The following CFDP1 variants were observed in gnomAD, a reference collection of about 807,000 sequenced individuals.
CFDP1 encodes heterochromatin-stabilizing protein CFDP1.
Under a neutral mutation model 40.1 loss-of-function variants are expected in CFDP1, and 31 were observed. That is an observed-to-expected ratio of 0.77 (90% confidence interval 0.58 to 1.04). The LOEUF is 1.04. Ranked by LOEUF, CFDP1 falls within the 50% of genes least tolerant of loss-of-function variation. CFDP1 has a pLI of 0.00. For missense variants in CFDP1, 423 were observed against 343.4 expected, an observed-to-expected ratio of 1.23 and a Z score of -1.83; for synonymous variants, 167 against 120.0, an observed-to-expected ratio of 1.39 and a Z score of -2.56.
chr16:75,326,059 T>A (rs568130243), intron 5 of CFDP1, among the ~76,000 whole-genome samples: 2 of 152,376 alleles, frequency 1.3e-5, no homozygotes, highest in South Asian at 4.1e-4. Flanking sequence ...GAAGTCTGGA[T>A]AAATTTTTTC....
intron 5 of CFDP1, among the ~76,000 whole-genome samples, chr16:75,328,842 C>A (rs1279490994): frequency 6.8e-6 from 1 of 146,678 alleles, no homozygotes; most frequent in Non-Finnish European, 1.5e-5. Context: ...CCATGCTCAG[C>A]GAATTTTTTT....
chr16:75,303,453 T>C (rs2078236702), intron 6 of CFDP1, among the ~76,000 whole-genome samples: 1 of 119,062 alleles, frequency 8.4e-6, no homozygotes, highest in African/African-American at 2.7e-5. Context: ...ACCATACTGG[T>C]CAGCTTCCAG....
At chr16:75,301,822 C>G (rs1388906237) in intron 6 of CFDP1, 2 of 152,172 alleles carry the variant, frequency 1.3e-5, no homozygotes, top group South Asian at 2.1e-4. Context: ...GAAAATGTCA[C>G]CAGAGGATTC....
At chr16:75,294,185 C>A (rs2078165632) in intron 6 of CFDP1, 143 bp from the exon 7 acceptor site, 2 of 607,958 alleles carry the variant, frequency 3.3e-6, no homozygotes, top group Admixed American at 5.9e-5. Context: ...ACAATCCAAA[C>A]CACTCACATT....
intron 5 of CFDP1, among the ~76,000 whole-genome samples, chr16:75,331,543 C>A (rs552033056): frequency 2.6e-4 from 40 of 152,310 alleles, no homozygotes; most frequent in African/African-American, 8.9e-4. Context: ...CCTTCCCAGT[C>A]AATTCCCCAC....
At chr16:75,297,975 C>T (rs2078195915) in intron 6 of CFDP1, among the ~76,000 whole-genome samples, 1 of 152,142 alleles carries the variant, frequency 6.6e-6, no homozygotes, top group South Asian at 2.1e-4. Context: ...CCTCCAAAAC[C>T]AGAAACTTTT....
chr16:75,416,621 TTGGTGG>T (rs1443902511), intron 1 of CFDP1, among the ~76,000 whole-genome samples: 2 of 152,008 alleles, frequency 1.3e-5, no homozygotes, highest in Non-Finnish European at 2.9e-5. Flanking sequence ...TTAGCTGGGC[TTGGTGG>T]TACACACCTC....
chr16:75,359,090 T>A (rs1200961105), intron 5 of CFDP1, among the ~76,000 whole-genome samples: 1 of 152,194 alleles, frequency 6.6e-6, no homozygotes, highest in East Asian at 1.9e-4. Context: ...CTTTATATAA[T>A]TCAGCCAAAA....
chr16:75,421,958 G>A (rs150995740), intron 1 of CFDP1, among the ~76,000 whole-genome samples: 1 of 152,088 alleles, frequency 6.6e-6, no homozygotes, highest in Non-Finnish European at 1.5e-5. Flanking sequence ...GTCATCTCTA[G>A]ATTACTTACA....
chr16:75,300,368 A>T (rs59044615), intron 6 of CFDP1, among the ~76,000 whole-genome samples: 2,644 of 151,960 alleles, frequency 0.017, 72 homozygotes, highest in African/African-American at 0.06. Context: ...GCTCATTGCA[A>T]CCTCCGCCTC....
At chr16:75,394,688 C>T (rs1428011345) in intron 5 of CFDP1, 1 of 85,202 alleles carries the variant, frequency 1.2e-5, no homozygotes, top group African/African-American at 4.0e-5. Context: ...TTTTAAGAGA[C>T]AGGATCTCTC....
chr16:75,399,232 G>A lies in CFDP1; in HGVS notation c.531-4023C>T, dbSNP rs182641240. Among the ~76,000 whole-genome samples the A allele has an allele frequency of 3.9e-4, 60 of 152,238 alleles. 1 individual carries two copies. Among genetic ancestry groups the A allele is most frequent in the Admixed American group, 1.2e-3 (18 of 15,284 alleles). On this transcript the variant is annotated intron_variant, in intron 4 of 6. Coordinates refer to ENST00000283882, the MANE Select transcript of CFDP1 (RefSeq NM_006324.3). ...ATTTTTTAAAGCCACTAAATTTTGA[G>A]GTGCTTTCTTACACTGTTGTAAAAA...
Position 75,303,909 on chromosome 16 carries a change from G to C in CFDP1, c.809+1115C>G, listed in dbSNP as rs539635177. On this transcript the variant is annotated intron_variant, in intron 6 of 6. Coordinates refer to ENST00000283882, the MANE Select transcript of CFDP1 (RefSeq NM_006324.3). ...AGAAGCAGAGCTGCCGAGCAGCCAG[G>C]GCTCTCTGGTGGGACACTCAACATT... Among the ~76,000 whole-genome samples the C allele has an allele frequency of 1.6e-4, 25 of 152,282 alleles. 1 individual carries two copies. In the South Asian group the frequency reaches 2.3e-3, roughly 14 times the overall value.
chr16:75,421,927 A>G (rs927865559), intron 1 of CFDP1, among the ~76,000 whole-genome samples: 3 of 152,228 alleles, frequency 2.0e-5, no homozygotes, highest in Admixed American at 6.5e-5. Flanking sequence ...TAAACTATGT[A>G]CATCCTCTTG....
chr16:75,395,653 C>G (rs1387925830), intron 4 of CFDP1, among the ~76,000 whole-genome samples: 1 of 151,532 alleles, frequency 6.6e-6, no homozygotes, highest in Non-Finnish European at 1.5e-5. Context: ...CACGAGACAC[C>G]GTCTCAAAAA....
At chr16:75,329,529 T>C (rs2078429612) in intron 5 of CFDP1, among the ~76,000 whole-genome samples, 1 of 152,130 alleles carries the variant, frequency 6.6e-6, no homozygotes, top group Non-Finnish European at 1.5e-5. Context: ...AAGGTCTCAC[T>C]GTAATCAGGC....
Position 75,293,922 on chromosome 16 carries a change from A to T in CFDP1, c.*30T>A, listed in dbSNP as rs1313378868. Reference sequence around the variant, plus strand: ...ACAAAAAGCTCACATTGTAAACAGGATTAAGCTGCTCTTGATTTAGCCCGT... The same window carrying T: ...ACAAAAAGCTCACATTGTAAACAGGTTTAAGCTGCTCTTGATTTAGCCCGT... On this transcript the variant is annotated 3_prime_UTR_variant, in exon 7 of 7. Transcript: ENST00000283882. The T allele has an allele frequency of 6.4e-7, 1 of 1,574,070 alleles. No homozygotes were observed. The highest frequency in any genetic ancestry group is 8.7e-7 in the Non-Finnish European group (1 of 1,144,016).
intron 5 of CFDP1, among the ~76,000 whole-genome samples, chr16:75,363,942 AACACAC>A (rs10635711): frequency 2.8e-5 from 4 of 142,828 alleles, no homozygotes; most frequent in South Asian, 2.3e-4. Context: ...AAAGAGGTGA[AACACAC>A]ACACACACAC....
Position 75,371,670 on chromosome 16 carries a change from C to T in CFDP1, c.650+23420G>A, listed in dbSNP as rs940868470. ...AGAATCTCTTGGTCTTTTCTGAGAA[C>T]CTCTCAAGTGTTTTGTTACATATTA... On this transcript the variant is annotated intron_variant, in intron 5 of 6. Transcript: ENST00000283882. Among the ~76,000 whole-genome samples the T allele has an allele frequency of 2.6e-5, 4 of 152,132 alleles. No individual in the cohort carries two copies. In the South Asian group the frequency reaches 6.2e-4, roughly 24 times the overall value.
Sources: gnomAD v4.1 joint callset for allele counts (sites outside exome capture counted in the v4.1 genomes callset) on GRCh38, gnomAD v4.1.1 for gene constraint, MANE v1.5 for transcripts, NCBI Gene and HGNC (gene_info 2026-07-23, HGNC 2026-07-21) for gene names.